CCDC141: variants seen among roughly 807,000 people sequenced by gnomAD.
CCDC141 encodes the protein coiled-coil domain containing 141.
Under a neutral mutation model 181.0 loss-of-function variants are expected in CCDC141, and 168 were observed. The ratio of observed to expected loss-of-function variants is 0.93; its 90% CI spans 0.82 to 1.05. The LOEUF (loss-of-function observed/expected upper bound fraction) is 1.05. Among genes scored for constraint, CCDC141 ranks in the 50% least tolerant of loss-of-function variants. The pLI, the probability that CCDC141 is intolerant of heterozygous loss-of-function variation, is 0.00. For missense variants in CCDC141, 1,902 were observed against 1,788.5 expected, an observed-to-expected ratio of 1.06 and a Z score of -1.14; for synonymous variants, 666 against 642.3, an observed-to-expected ratio of 1.04 and a Z score of -0.56.
At chr2:178,886,612 G>C in intron 10 of CCDC141, 140 bp downstream of exon 10, 1 of 555,556 alleles carries the variant, frequency 1.8e-6, no homozygotes. Context: ...AAGAATATGA[G>C]TTTTTAAGTC....
intron 4 of CCDC141, among the ~76,000 whole-genome samples, chr2:178,974,218 T>C (rs1691022577): frequency 6.6e-6 from 1 of 152,194 alleles, no homozygotes; most frequent in Non-Finnish European, 1.5e-5. Flanking sequence ...AAACACCTTT[T>C]GGTCCTATCC....
chr2:178,968,422 G>C (rs1280688631), intron 4 of CCDC141, among the ~76,000 whole-genome samples: 1 of 152,152 alleles, frequency 6.6e-6, no homozygotes, highest in Non-Finnish European at 1.5e-5. Flanking sequence ...TAGAATTCAG[G>C]ATTAAGAAAC....
intron 6 of CCDC141, among the ~76,000 whole-genome samples, chr2:178,941,874 C>T (rs1401628841): frequency 2.2e-5 from 3 of 138,146 alleles, no homozygotes; most frequent in Admixed American, 8.2e-5. Context: ...GTGGGAGAAT[C>T]GCTTGAGCCC....
chr2:178,884,872 C>G, intron 11 of CCDC141, 29 bp downstream of exon 11: 1 of 1,529,584 alleles, frequency 6.5e-7, no homozygotes, highest in African/African-American at 1.4e-5. Context: ...GGCCACCTTG[C>G]TGAAGAAGGT....
chr2:178,888,323 G>A (rs191272124), intron 9 of CCDC141, among the ~76,000 whole-genome samples: 143 of 152,270 alleles, frequency 9.4e-4, no homozygotes, highest in African/African-American at 3.3e-3. Flanking sequence ...CAGGCCAGAG[G>A]CGCAGACAGG....
At chr2:178,982,640 C>T (rs1445052482) in intron 2 of CCDC141, among the ~76,000 whole-genome samples, 4 of 114,686 alleles carry the variant, frequency 3.5e-5, no homozygotes, top group Admixed American at 1.0e-4. Context: ...GAGCGAGGCA[C>T]TGCCTCCCTC....
At chr2:178,982,357 A>G (rs543665780) in intron 2 of CCDC141, among the ~76,000 whole-genome samples, 1 of 152,230 alleles carries the variant, frequency 6.6e-6, no homozygotes, top group Non-Finnish European at 1.5e-5. Context: ...TTATAAGAGC[A>G]TCAGAAAGAA....
At chr2:178,882,204 CT>C (rs1186785314) in intron 11 of CCDC141, among the ~76,000 whole-genome samples, 1 of 151,946 alleles carries the variant, frequency 6.6e-6, no homozygotes, top group Non-Finnish European at 1.5e-5. Context: ...AAACCCCTCT[CT>C]ACTAAAAATA....
chr2:179,020,111 T>C (rs1169038388), intron 2 of CCDC141, among the ~76,000 whole-genome samples: 1 of 152,114 alleles, frequency 6.6e-6, no homozygotes. Context: ...TTATTAGCAA[T>C]AAAGACTGTT....
chr2:178,974,415 A>G (rs1046837396), intron 4 of CCDC141, among the ~76,000 whole-genome samples: 1 of 152,178 alleles, frequency 6.6e-6, no homozygotes, highest in Non-Finnish European at 1.5e-5. Flanking sequence ...GGTAACTACT[A>G]CTTTTCCACA....
chr2:178,823,946 G>C, the CCDC141 span, among the ~76,000 whole-genome samples: 1 of 151,976 alleles, frequency 6.6e-6, no homozygotes, highest in Non-Finnish European at 1.5e-5. Flanking sequence ...TAGGCCATAA[G>C]TTGCTAATGG....
chr2:178,887,804 G>A (rs1284693207), intron 9 of CCDC141, among the ~76,000 whole-genome samples: 3 of 152,154 alleles, frequency 2.0e-5, no homozygotes, highest in Non-Finnish European at 4.4e-5. Flanking sequence ...CGTATCAAAC[G>A]AAAACATCAT....
chr2:178,984,642 C>CA (rs1370341787), intron 2 of CCDC141, among the ~76,000 whole-genome samples: 1 of 148,316 alleles, frequency 6.7e-6, no homozygotes, highest in African/African-American at 2.5e-5. Context: ...AAATGGAAAA[C>CA]AAAAAAAGGC....
intron 17 of CCDC141, 60 bp from the exon 18 acceptor site, chr2:178,856,457 C>A: frequency 7.6e-7 from 1 of 1,307,940 alleles, no homozygotes; most frequent in Non-Finnish European, 1.1e-6. Context: ...AAGTCACTTG[C>A]AATAAATCAA....
chr2:179,020,372 TC>T (rs2154385698), intron 2 of CCDC141, among the ~76,000 whole-genome samples: 1 of 152,260 alleles, frequency 6.6e-6, no homozygotes, highest in Non-Finnish European at 1.5e-5. Flanking sequence ...GATCTGCATG[TC>T]AGAATCCTCC....
In CCDC141 at chr2:178,845,646, A is replaced by C. The variant is rs756865331; in HGVS notation, c.3454T>G (p.Phe1152Val). ...KEPAKNKQTI[F>V]NEERNKGQVQ... Reference sequence around the variant, plus strand: ...TTTACCTTATTCCTTTCTTCATTGAATATTGTCTGCTTATTTTTTGCTGGT... The same window carrying C: ...TTTACCTTATTCCTTTCTTCATTGACTATTGTCTGCTTATTTTTTGCTGGT... The change falls in exon 22 of 24, where the codon TTC becomes GTC. Residue 1152 changes from phenylalanine (F) to valine (V), a missense_variant. Phe to Val is a conservative substitution (Grantham distance 50, BLOSUM62 -1). Transcript: ENST00000443758. 1.4e-5 allele frequency: 22 copies of C among 1,598,272 alleles called. No individual in the cohort carries two copies. The highest frequency in any genetic ancestry group is 1.9e-5 in the Non-Finnish European group (22 of 1,165,802).
intron 7 of CCDC141, chr2:178,915,906 T>C (rs1045281200): frequency 7.9e-5 from 12 of 152,242 alleles, no homozygotes; most frequent in Admixed American, 6.5e-4. Flanking sequence ...TGCAGTTGCA[T>C]ATATCCATCT....
intron 6 of CCDC141, among the ~76,000 whole-genome samples, chr2:178,934,813 C>G (rs891978919): frequency 2.6e-5 from 4 of 152,182 alleles, no homozygotes; most frequent in Admixed American, 2.0e-4. Context: ...TGTGTTACCA[C>G]ATTATTTATA....
the CCDC141 span, among the ~76,000 whole-genome samples, chr2:178,816,034 A>G: frequency 4.6e-5 from 7 of 152,344 alleles, no homozygotes; most frequent in South Asian, 8.3e-4. Context: ...TGATGAGCCA[A>G]TATTGATGCA....
Sources: allele counts gnomAD v4.1 joint callset (sites outside exome capture counted in the v4.1 genomes callset), GRCh38; gene constraint gnomAD v4.1.1; transcripts MANE v1.5; gene names NCBI Gene and HGNC (gene_info 2026-07-23, HGNC 2026-07-21).